The following IBTK variants were observed in gnomAD, a reference collection of about 807,000 sequenced individuals.
IBTK encodes inhibitor of Bruton tyrosine kinase.
In IBTK, 83 loss-of-function variants were observed where a neutral mutation model predicts 154.9. The ratio of observed to expected loss-of-function variants is 0.54; its 90% CI spans 0.45 to 0.64. IBTK has a LOEUF of 0.64. IBTK is among the 30% of genes least tolerant of loss of function. The probability of loss-of-function intolerance (pLI) is 0.00; values close to 1 mark genes in which losing one functional copy is unlikely to be tolerated. For synonymous variants in IBTK, 515 were observed against 536.1 expected (o/e 0.96, Z 0.54); for missense variants, 1,332 against 1,584.6 (o/e 0.84, Z 2.71).
At position 82,246,940 on chromosome 6, in the gene IBTK, T is replaced by C. The variant is rs778342431; in HGVS notation, c.-358+622A>G. 4.6e-5 allele frequency among the ~76,000 whole-genome samples: 7 copies of C among 152,260 alleles called. No homozygotes were observed. The South Asian group carries it at 1.2e-3, about 27-fold the overall frequency. ...ACACAGTCAAGTTTTATGAACTACG[T>C]TGGAAAACAGGAGTCAAGGACGGCC... On this transcript the variant is annotated intron_variant, in intron 1 of 28. Coordinates refer to ENST00000306270, the MANE Select transcript of IBTK (RefSeq NM_015525.4).
chr6:82,239,115 C>T (rs1382849141), intron 2 of IBTK, among the ~76,000 whole-genome samples: 1 of 151,928 alleles, frequency 6.6e-6, no homozygotes, highest in Non-Finnish European at 1.5e-5. Flanking sequence ...AAACACAATT[C>T]CTAAATAATG....
chr6:82,204,894 C>T lies in IBTK; in HGVS notation c.2574G>A (p.Arg858=), dbSNP rs1403736073. The T allele has an allele frequency of 6.2e-7, 1 of 1,607,722 alleles. No individual in the cohort carries two copies. Among genetic ancestry groups the T allele is most frequent in the South Asian group, 1.1e-5 (1 of 89,712 alleles). Reference sequence around the variant, plus strand: ...ATGCTACTTCACAAATCTCTTTCAACCGGGTTATGAGAAGTTGATCAGCCA... The same window carrying T: ...ATGCTACTTCACAAATCTCTTTCAATCGGGTTATGAGAAGTTGATCAGCCA... ...LVVADQLLIT[R]LKEICEVALT... The change falls in exon 17 of 29, where the codon CGG becomes CGA. Residue 858 remains arginine, a synonymous_variant. Transcript: ENST00000306270.
intron 4 of IBTK, among the ~76,000 whole-genome samples, chr6:82,230,221 C>T (rs554535957): frequency 1.3e-5 from 2 of 152,148 alleles, no homozygotes; most frequent in South Asian, 4.1e-4. Context: ...AGAGCCAGTA[C>T]TATAGTGATA....
intron 26 of IBTK, among the ~76,000 whole-genome samples, chr6:82,176,547 C>T (rs980373063): frequency 6.9e-5 from 10 of 144,202 alleles, no homozygotes; most frequent in Non-Finnish European, 1.1e-4. Context: ...AAAAGAAACA[C>T]AAGCTTACAT....
intron 26 of IBTK, among the ~76,000 whole-genome samples, chr6:82,180,003 T>TACAGGCAGGGGCTAATTTGTTCACC (rs1768258487): frequency 1.4e-5 from 2 of 143,334 alleles, no homozygotes; most frequent in Non-Finnish European, 1.5e-5. Context: ...GATAGTTCTA[T>TACAGGCAGGGGCTAATTTGTTCACC]ATAGGCAGGG....
intron 5 of IBTK, among the ~76,000 whole-genome samples, chr6:82,226,404 T>A (rs1394028570): frequency 6.6e-6 from 1 of 152,160 alleles, no homozygotes; most frequent in African/African-American, 2.4e-5. Context: ...AATAACGTAG[T>A]GAACCAATTT....
At chr6:82,191,727 G>T in intron 24 of IBTK, 60 bp downstream of exon 24, 1 of 1,016,300 alleles carries the variant, frequency 9.8e-7, no homozygotes, top group Non-Finnish European at 1.6e-6. Context: ...CAGTAAGTCT[G>T]TCCAATTCTT....
chr6:82,229,676 C>G (rs193223849), intron 4 of IBTK, among the ~76,000 whole-genome samples: 12 of 152,262 alleles, frequency 7.9e-5, no homozygotes, highest in Admixed American at 7.8e-4. Flanking sequence ...TGATTTCTCA[C>G]CATCTTGCTC....
rs1768762347 is a variant in IBTK, at chr6:82,191,358, T to C, written c.3432-142A>G. ...TGGTAATAATAATGTTTTCTATTTA[T>C]TTCATGTTATTTTACCATTATTGGA... is the stretch of plus-strand genomic sequence containing the variant. On this transcript the variant is annotated intron_variant, in intron 24 of 28. Transcript: ENST00000306270. The C allele has an allele frequency of 1.3e-5, 9 of 681,744 alleles. No individual in the cohort carries two copies. In the South Asian group the frequency reaches 1.8e-4, roughly 13 times the overall value. 42.2% of individuals were successfully genotyped at this position (681,744 alleles called of 1,614,324 possible).
chr6:82,184,921 C>T (rs965815220), intron 25 of IBTK, among the ~76,000 whole-genome samples: 1 of 152,040 alleles, frequency 6.6e-6, no homozygotes, highest in African/African-American at 2.4e-5. Flanking sequence ...GTGGCTCACA[C>T]CTGTAATCCC....
intron 22 of IBTK, among the ~76,000 whole-genome samples, chr6:82,195,432 GC>G (rs1456609349): frequency 1.4e-4 from 21 of 152,024 alleles, no homozygotes; most frequent in African/African-American, 5.1e-4. Context: ...AAAAAAATTA[GC>G]TGGACGTGAT....
In IBTK at chr6:82,204,913, T is replaced by C; in HGVS notation, c.2555A>G (p.Asp852Gly). The part of the protein sequence containing the change: ...DFICSVLVVA[D>G]QLLITRLKEI... Reference sequence around the variant, plus strand: ...TTTCAACCGGGTTATGAGAAGTTGATCAGCCACCACAAGAACACTACAAAT... The same window carrying C: ...TTTCAACCGGGTTATGAGAAGTTGACCAGCCACCACAAGAACACTACAAAT... Residue 852 changes from aspartate (D) to glycine (G), a missense_variant, in exon 17 of 29, where the codon GAT becomes GGT. This residue lies in a region of IBTK where 1,134 missense variants were observed against 1,274.7 expected (regional missense o/e 0.89). Transcript: ENST00000306270. 6.2e-7 allele frequency: 1 copy of C among 1,609,256 alleles called. No individual in the cohort carries two copies. The highest frequency in any genetic ancestry group is 8.5e-7 in the Non-Finnish European group (1 of 1,177,540).
rs779087156 is a variant in IBTK, at chr6:82,223,620, C to T, written c.944G>A (p.Gly315Asp). 1.9e-6 allele frequency: 3 copies of T among 1,610,472 alleles called. No homozygotes were observed. Among genetic ancestry groups the T allele is most frequent in the Non-Finnish European group, 2.5e-6 (3 of 1,178,150 alleles). The change falls in exon 8 of 29, where the codon GGT becomes GAT. Residue 315 changes from glycine to aspartate, a missense_variant and splice_region_variant. By Grantham distance (94) the Gly-to-Asp change is moderately conservative. Transcript: ENST00000306270. ...YTMGLNGGQL[G>D]CLLDPNGEKC... ...TTCTCCATTGGGATCTAGCAAACAA[C>T]CTAAAAAATGATACAAATAAGCAAA...
intron 16 of IBTK, chr6:82,205,987 T>C (rs1161152877): frequency 6.6e-6 from 1 of 152,130 alleles, no homozygotes; most frequent in African/African-American, 2.4e-5. Context: ...TAAGAGCTTC[T>C]AATCCTCTCC....
intron 12 of IBTK, among the ~76,000 whole-genome samples, chr6:82,213,282 G>A (rs1029040130): frequency 1.3e-5 from 2 of 152,086 alleles, no homozygotes; most frequent in Admixed American, 6.5e-5. Context: ...GCCCACCTCA[G>A]CCTCCCAAAG....
Position 82,171,308 on chromosome 6 carries a change from ATCTTT to A in IBTK, c.*112_*116del, listed in dbSNP as rs1465359678. On this transcript the variant is annotated 3_prime_UTR_variant, in exon 29 of 29. Coordinates refer to ENST00000306270, the MANE Select transcript of IBTK (RefSeq NM_015525.4). The stretch of plus-strand genomic sequence containing the variant: ...GATTTAACTGCAGTAAAGAAATTAT[ATCTTT>A]TCTTAATCTATTTAGAATGATATTA... 5.7e-5 allele frequency: 41 copies of A among 723,840 alleles called. No individual in the cohort carries two copies. Among genetic ancestry groups the A allele is most frequent in the Non-Finnish European group, 8.0e-5 (37 of 464,664 alleles). The allele number at this position is 723,840 out of a possible 1,614,324, so 44.8% of individuals were successfully genotyped here. A position where few individuals can be genotyped will look rare whatever the true frequency, so the allele number is the denominator to read the frequency against.
chr6:82,213,150 A>G (rs1769717105), intron 12 of IBTK, among the ~76,000 whole-genome samples: 1 of 151,894 alleles, frequency 6.6e-6, no homozygotes, highest in African/African-American at 2.4e-5. Flanking sequence ...GCCTCAGCCA[A>G]CCCAGTAACT....
intron 6 of IBTK, among the ~76,000 whole-genome samples, chr6:82,224,792 C>G: frequency 6.6e-6 from 1 of 152,090 alleles, no homozygotes; most frequent in South Asian, 2.1e-4. Context: ...TTGCATGAAC[C>G]CATTTGGTAT....
intron 26 of IBTK, among the ~76,000 whole-genome samples, chr6:82,175,923 G>A (rs553890549): frequency 3.0e-4 from 45 of 152,132 alleles, no homozygotes; most frequent in African/African-American, 1.1e-3. Flanking sequence ...CAGCTACTAG[G>A]GTGGCGGAGG....
Sources: allele counts gnomAD v4.1 joint callset (sites outside exome capture counted in the v4.1 genomes callset), GRCh38; gene constraint gnomAD v4.1.1; regional missense constraint gnomAD v4.1.1; transcripts MANE v1.5; gene names NCBI Gene and HGNC (gene_info 2026-07-23, HGNC 2026-07-21).